COX6C: variants seen among roughly 807,000 people sequenced by gnomAD.
COX6C encodes cytochrome c oxidase polypeptide VIc.
COX6C carries 3 observed loss-of-function variants against 6.9 expected under a neutral mutation model. The observed-to-expected ratio is 0.43, with a 90% CI of 0.20 to 1.12. The LOEUF is 1.12. COX6C is among the 50% of genes most tolerant of loss of function. The pLI, the probability that COX6C is intolerant of heterozygous loss-of-function variation, is 0.27. For synonymous variants in COX6C, 32 were observed against 32.0 expected (o/e 1.00, Z 0.00); for missense variants, 101 against 97.3 (o/e 1.04, Z -0.16).
At chr8:99,886,066 C>T (rs1201282719) in intron 3 of COX6C, 1 of 152,224 alleles carries the variant, frequency 6.6e-6, no homozygotes, top group Non-Finnish European at 1.5e-5. Flanking sequence ...GATACCACCT[C>T]ATACCTATTA....
intron 3 of COX6C, among the ~76,000 whole-genome samples, chr8:99,882,372 G>A (rs1364173494): frequency 1.3e-5 from 2 of 152,130 alleles, no homozygotes; most frequent in Non-Finnish European, 2.9e-5. Flanking sequence ...ATCATACAAA[G>A]TATCTTTTCT....
chr8:99,887,698 G>A, intron 2 of COX6C, 80 bp from the exon 3 acceptor site: 1 of 904,038 alleles, frequency 1.1e-6, no homozygotes, highest in South Asian at 2.0e-5. Context: ...TAAAGACAAG[G>A]TAGAACACAT....
chr8:99,880,293 A>G (rs532683334), intron 3 of COX6C, among the ~76,000 whole-genome samples: 2 of 152,364 alleles, frequency 1.3e-5, no homozygotes, highest in Non-Finnish European at 2.9e-5. Flanking sequence ...CTAAAGAAAC[A>G]GAGGCTGCTG....
chr8:99,886,331 A>G (rs1817942264), intron 3 of COX6C: 1 of 152,254 alleles, frequency 6.6e-6, no homozygotes. Flanking sequence ...TTGAGGCTGC[A>G]GTGAGCCATG....
Position 99,881,299 on chromosome 8 carries a change from G to A in COX6C, c.*16-3034C>T, listed in dbSNP as rs1340549348. Among the ~76,000 whole-genome samples, 3 of 151,868 alleles carry A rather than the reference G, an allele frequency of 2.0e-5. 1 individual carries two copies. Among genetic ancestry groups the A allele is most frequent in the South Asian group, 4.2e-4 (2 of 4,816 alleles). On this transcript the variant is annotated intron_variant, in intron 3 of 3. Transcript: ENST00000520468. ...TGCTTGAACCCACGAGGCGGAAGTT[G>A]CAGTGAGCCGAGATTGCATCACTAC...
chr8:99,885,898 T>C (rs986249101), intron 3 of COX6C: 8 of 152,166 alleles, frequency 5.3e-5, no homozygotes, highest in African/African-American at 1.7e-4. Flanking sequence ...ATCCAGAATA[T>C]ATACAGAACA....
chr8:99,889,808 C>G (rs182233223), intron 2 of COX6C, among the ~76,000 whole-genome samples: 1 of 151,686 alleles, frequency 6.6e-6, no homozygotes, highest in African/African-American at 2.4e-5. Context: ...AGAAGAAATG[C>G]GACCGGGTGC....
chr8:99,882,567 A>G (rs1817880431), intron 3 of COX6C, among the ~76,000 whole-genome samples: 1 of 140,000 alleles, frequency 7.1e-6, no homozygotes, highest in Admixed American at 6.8e-5. Context: ...GTAGCTGAAT[A>G]ATATTAAACA....
chr8:99,880,520 C>T (rs1446894546), intron 3 of COX6C, among the ~76,000 whole-genome samples: 1 of 152,064 alleles, frequency 6.6e-6, no homozygotes. Flanking sequence ...AGGGATTTAA[C>T]AGCAGACTCA....
rs567834971 is a variant in COX6C at position 99,882,419 on chromosome 8, A to C, written c.*16-4154T>G. On this transcript the variant is annotated intron_variant, in intron 3 of 3. Coordinates refer to ENST00000520468, the MANE Select transcript of COX6C (RefSeq NM_004374.4). ...CATGAAACTAGAAATCAAAAGCCAAAGGAAAAGAGGAAAATCCACAAATGT... is the reference window on the plus strand; with the variant it reads ...CATGAAACTAGAAATCAAAAGCCAACGGAAAAGAGGAAAATCCACAAATGT... 7.0e-4 allele frequency among the ~76,000 whole-genome samples: 107 copies of C among 152,364 alleles called. 1 individual carries two copies. Among genetic ancestry groups the C allele is most frequent in the South Asian group, 1.2e-3 (6 of 4,830 alleles).
chr8:99,888,296 GGC>G (rs1340336751), intron 2 of COX6C, among the ~76,000 whole-genome samples: 3 of 152,080 alleles, frequency 2.0e-5, no homozygotes, highest in Non-Finnish European at 2.9e-5. Context: ...GCAGAGGTCG[GGC>G]GTGGTGGCTC....
At chr8:99,883,471 A>ATATAT (rs528881148) in intron 3 of COX6C, among the ~76,000 whole-genome samples, 63 of 137,730 alleles carry the variant, frequency 4.6e-4, no homozygotes, top group African/African-American at 1.7e-3. Flanking sequence ...ATATATATAT[A>ATATAT]TTTTTTTTTT....
At chr8:99,879,636 T>C (rs1817827802) in intron 3 of COX6C, among the ~76,000 whole-genome samples, 1 of 152,188 alleles carries the variant, frequency 6.6e-6, no homozygotes, top group Non-Finnish European at 1.5e-5. Context: ...ACACTCAAAG[T>C]AGCAGGAAAT....
chr8:99,879,556 T>C (rs534894127), intron 3 of COX6C, among the ~76,000 whole-genome samples: 1 of 152,162 alleles, frequency 6.6e-6, no homozygotes, highest in East Asian at 1.9e-4. Context: ...TTTAAAAATG[T>C]TTAGCTTTAT....
chr8:99,887,267 G>C (rs2089776011), intron 3 of COX6C: 1 of 343,120 alleles, frequency 2.9e-6, no homozygotes, highest in Non-Finnish European at 5.3e-6. Context: ...TGGGGGATGT[G>C]GTCATTGGTG....
chr8:99,879,333 C>G (rs1418193100), intron 3 of COX6C, among the ~76,000 whole-genome samples: 1 of 152,128 alleles, frequency 6.6e-6, no homozygotes, highest in South Asian at 2.1e-4. Context: ...CTCGTGGACA[C>G]CCACCTAACA....
At chr8:99,887,708 T>G in intron 2 of COX6C, 90 bp from the exon 3 acceptor site, 2 of 825,858 alleles carry the variant, frequency 2.4e-6, no homozygotes, top group Non-Finnish European at 3.6e-6. Flanking sequence ...GTAGAACACA[T>G]GTTTTTGTTC....
chr8:99,879,363 C>CT (rs869285636), intron 3 of COX6C, among the ~76,000 whole-genome samples: 6 of 147,126 alleles, frequency 4.1e-5, no homozygotes, highest in East Asian at 1.9e-4. Flanking sequence ...GTCCCAAATA[C>CT]TTTTTTTTAA....
intron 3 of COX6C, among the ~76,000 whole-genome samples, chr8:99,879,585 T>C (rs191902305): frequency 1.5e-4 from 23 of 152,124 alleles, no homozygotes; most frequent in African/African-American, 4.8e-4. Flanking sequence ...TAGAAACCAG[T>C]TGAGCAGCAA....
Sources: allele counts gnomAD v4.1 joint callset (sites outside exome capture counted in the v4.1 genomes callset), GRCh38; gene constraint gnomAD v4.1.1; transcripts MANE v1.5; gene names NCBI Gene and HGNC (gene_info 2026-07-23, HGNC 2026-07-21).